Variants in FUT8 observed in about 807,000 individuals in gnomAD.
FUT8 encodes fucosyltransferase 8, also known as alpha-(1,6)-fucosyltransferase.
Under a neutral mutation model 71.3 loss-of-function variants are expected in FUT8, and 29 were observed. The observed-to-expected ratio is 0.41, with a 90% CI of 0.30 to 0.55. The LOEUF is 0.55. Among genes scored for constraint, FUT8 ranks in the 20% least tolerant of loss-of-function variants. The pLI, the probability that FUT8 is intolerant of heterozygous loss-of-function variation, is 0.34. For synonymous variants in FUT8, 254 were observed against 239.3 expected (o/e 1.06, Z -0.57); for missense variants, 544 against 702.1 (o/e 0.77, Z 2.55).
At chr14:65,401,596 G>T in the FUT8 span, among the ~76,000 whole-genome samples, 4 of 152,102 alleles carry the variant, frequency 2.6e-5, no homozygotes, top group African/African-American at 9.7e-5. Context: ...GTAACCAAAA[G>T]GTAGAATAAA....
At chr14:65,529,667 G>C (rs1883801972) in intron 2 of FUT8, 1 of 152,586 alleles carries the variant, frequency 6.6e-6, no homozygotes, top group Admixed American at 6.5e-5. Context: ...GCATGAATAT[G>C]TAGTCCCAGG....
At chr14:65,528,462 C>G (rs1472212136) in intron 2 of FUT8, among the ~76,000 whole-genome samples, 1 of 152,158 alleles carries the variant, frequency 6.6e-6, no homozygotes, top group Non-Finnish European at 1.5e-5. Flanking sequence ...CTTCCCTTGG[C>G]TAGGAAAGGG....
intron 3 of FUT8, among the ~76,000 whole-genome samples, chr14:65,606,557 T>A (rs990769716): frequency 6.6e-6 from 1 of 151,866 alleles, no homozygotes; most frequent in African/African-American, 2.4e-5. Context: ...TGTGAAACCA[T>A]CTCTTATTGA....
the FUT8 span, among the ~76,000 whole-genome samples, chr14:65,384,600 T>A: frequency 6.6e-6 from 1 of 152,340 alleles, no homozygotes; most frequent in East Asian, 1.9e-4. This position sits in a 1 kb window ranked among gnomAD's most constrained non-coding sequence, Gnocchi z 4.2. Flanking sequence ...TACAATTATT[T>A]ATGAGATCTG....
intron 1 of FUT8, among the ~76,000 whole-genome samples, chr14:65,423,255 TTTTC>T (rs1360705689): frequency 6.8e-6 from 1 of 147,834 alleles, no homozygotes; most frequent in African/African-American, 2.5e-5. Context: ...AAGTGAATGA[TTTTC>T]TTTCTTTTTT....
chr14:65,560,347 G>GA (rs565690197), intron 2 of FUT8, among the ~76,000 whole-genome samples: 1 of 151,374 alleles, frequency 6.6e-6, no homozygotes, highest in Non-Finnish European at 1.5e-5. Context: ...TAAAATTAAA[G>GA]AAAAAAAAAT....
chr14:65,610,458 C>G (rs1036232497), intron 3 of FUT8, among the ~76,000 whole-genome samples: 1 of 150,560 alleles, frequency 6.6e-6, no homozygotes, highest in Admixed American at 6.6e-5. Context: ...GGCACAATCT[C>G]GGCTCACCAC....
chr14:65,670,810 T>C (rs1892441115), intron 7 of FUT8, among the ~76,000 whole-genome samples: 1 of 152,206 alleles, frequency 6.6e-6, no homozygotes, highest in African/African-American at 2.4e-5. Flanking sequence ...TGAGTTGCTC[T>C]GCAAGAGGTC....
At chr14:65,724,958 A>T (rs1450243256) in intron 9 of FUT8, among the ~76,000 whole-genome samples, 4 of 152,146 alleles carry the variant, frequency 2.6e-5, no homozygotes, top group African/African-American at 9.7e-5. Context: ...GGGGTTAGGG[A>T]TTCAACATAG....
At chr14:65,436,534 C>G (rs2065562695) in intron 1 of FUT8, among the ~76,000 whole-genome samples, 1 of 150,456 alleles carries the variant, frequency 6.6e-6, no homozygotes, top group African/African-American at 2.5e-5. Flanking sequence ...GAGGCTGAGG[C>G]AGGAGAATGG....
At chr14:65,535,643 G>C (rs1487593742) in intron 2 of FUT8, among the ~76,000 whole-genome samples, 1 of 152,128 alleles carries the variant, frequency 6.6e-6, no homozygotes, top group Non-Finnish European at 1.5e-5. Flanking sequence ...TGTTCCGAGA[G>C]AGTAGTTGGT....
the FUT8 span, among the ~76,000 whole-genome samples, chr14:65,392,045 G>A: frequency 6.6e-6 from 1 of 151,990 alleles, no homozygotes; most frequent in Non-Finnish European, 1.5e-5. Flanking sequence ...TGATTCTCTG[G>A]CCTCAGCCTT....
Position 65,561,593 on chromosome 14 carries a change from G to T in FUT8, c.30G>T (p.Trp10Cys). The change falls in exon 3 of 11, where the codon TGG (tryptophan) becomes TGT (cysteine). Residue 10 changes from tryptophan (W) to cysteine (C), a missense_variant. Physicochemically the swap from Trp to Cys is radical, Grantham distance 215. Coordinates refer to ENST00000673929, the MANE Select transcript of FUT8 (RefSeq NM_001371533.1). Reference sequence around the variant, plus strand: ...GGCCATGGACTGGTTCCTGGCGTTGGATTATGCTCATTCTTTTTGCCTGGG... The same window carrying T: ...GGCCATGGACTGGTTCCTGGCGTTGTATTATGCTCATTCTTTTTGCCTGGG... Reference protein sequence around the residue: MRPWTGSWRWIMLILFAWGT... With the variant: MRPWTGSWRCIMLILFAWGT... 6.2e-7 allele frequency: 1 copy of T among 1,613,460 alleles called. No homozygotes were observed. The highest frequency in any genetic ancestry group is 8.5e-7 in the Non-Finnish European group (1 of 1,179,522).
upstream of FUT8, among the ~76,000 whole-genome samples, chr14:65,405,960 G>A (rs536732646): frequency 1.3e-5 from 2 of 152,332 alleles, no homozygotes; most frequent in Non-Finnish European, 2.9e-5. Flanking sequence ...AATGGACAGC[G>A]GTCACACAGC....
rs555175663 is a variant in FUT8, at chr14:65,623,672, C to T, written c.483-5820C>T. Among the ~76,000 whole-genome samples, 4 of 152,184 alleles carry T rather than the reference C, an allele frequency of 2.6e-5. No individual in the cohort carries two copies. In the South Asian group the frequency reaches 6.2e-4, roughly 24 times the overall value. On this transcript the variant is annotated intron_variant, in intron 5 of 10. Coordinates refer to ENST00000673929, the MANE Select transcript of FUT8 (RefSeq NM_001371533.1). ...GGCGGAGGTTGCAGTGAGCTGAGAT[C>T]GTGCCACTGCACTCTAGCTTGGGCG...
intron 6 of FUT8, among the ~76,000 whole-genome samples, chr14:65,632,541 C>T (rs1443809607): frequency 2.6e-5 from 4 of 152,046 alleles, no homozygotes. Flanking sequence ...ATTGTCTATT[C>T]ATAGCCTTAG....
In FUT8 at chr14:65,652,063, G is replaced by A. The variant is rs1891435486; in HGVS notation, c.598-17180G>A. On this transcript the variant is annotated intron_variant, in intron 6 of 10. Transcript: ENST00000673929. The surrounding 1 kb of genome is among the most constrained non-coding windows in gnomAD (Gnocchi z 4.0). ...TGTCTACAAGCCAAGGAATGACAAG[G>A]ATGGCTGGCAACCACCAGAAGCCGG... 6.6e-6 allele frequency among the ~76,000 whole-genome samples: 1 copy of A among 152,170 alleles called. No individual in the cohort carries two copies. Among genetic ancestry groups the A allele is most frequent in the Non-Finnish European group, 1.5e-5 (1 of 68,044 alleles).
chr14:65,561,952 A>T (rs1347117009), intron 3 of FUT8, among the ~76,000 whole-genome samples, 186 bp downstream of exon 3: 1 of 152,132 alleles, frequency 6.6e-6, no homozygotes, highest in Non-Finnish European at 1.5e-5. Context: ...CCCACAGCCC[A>T]TGGGCCACAG....
chr14:65,496,815 A>G (rs1288496908), intron 2 of FUT8, among the ~76,000 whole-genome samples: 2 of 151,854 alleles, frequency 1.3e-5, no homozygotes, highest in Non-Finnish European at 2.9e-5. Context: ...ATGGCTGTGG[A>G]GTGGTTTTGT....
Sources: allele counts gnomAD v4.1 joint callset (sites outside exome capture counted in the v4.1 genomes callset), GRCh38; gene constraint gnomAD v4.1.1; non-coding constraint Gnocchi (gnomAD v3.1); transcripts MANE v1.5; gene names NCBI Gene and HGNC (gene_info 2026-07-23, HGNC 2026-07-21).